The following RNF32 variants were observed in gnomAD, a reference collection of about 807,000 sequenced individuals.
The protein encoded by RNF32 is ring finger protein 32.
A neutral mutation model predicts 41.0 loss-of-function variants in RNF32; 36 were observed. The observed-to-expected ratio is 0.88, with a 90% CI of 0.67 to 1.16. The LOEUF (loss-of-function observed/expected upper bound fraction) is 1.16, where lower values mean the gene tolerates loss of function less well. Ranked by LOEUF, RNF32 falls within the 50% of genes most tolerant of loss-of-function variation. The pLI is 0.00. For synonymous variants in RNF32, 154 were observed against 160.9 expected, an observed-to-expected ratio of 0.96 and a Z score of 0.32; for missense variants, 413 against 436.7, an observed-to-expected ratio of 0.95 and a Z score of 0.48.
intron 4 of RNF32, among the ~76,000 whole-genome samples, chr7:156,656,769 C>T (rs187532040): frequency 3.4e-4 from 52 of 152,344 alleles, no homozygotes; most frequent in African/African-American, 1.2e-3. Context: ...CTGACCCCAC[C>T]GCTTTGCTCA....
rs551299791 is a variant in RNF32 at position 156,659,039 on chromosome 7, C to A, written c.684+469C>A. 71 of 1,411,504 alleles carry A rather than the reference C, an allele frequency of 5.0e-5. 1 individual carries two copies. In the East Asian group the frequency reaches 1.3e-3, roughly 27 times the overall value. The allele number at this position is 1,411,504 out of a possible 1,614,324, so 87.4% of individuals were successfully genotyped here. On this transcript the variant is annotated intron_variant, in intron 7 of 8. Coordinates refer to ENST00000317955, the MANE Select transcript of RNF32 (RefSeq NM_030936.4). ...TCATCACAATGAGCTTTAGAGCTAA[C>A]TTCCATGTCTACCCTTCCTCTTAAC...
At chr7:156,645,346 C>T (rs944326827) in intron 3 of RNF32, among the ~76,000 whole-genome samples, 1 of 152,210 alleles carries the variant, frequency 6.6e-6, no homozygotes, top group Non-Finnish European at 1.5e-5. Flanking sequence ...TCATGTGTCT[C>T]CTGCTGAAAG....
rs369190246 is a variant in RNF32, at chr7:156,664,375, A to C, written c.684+5805A>C. 4.5e-3 allele frequency among the ~76,000 whole-genome samples: 690 copies of C among 152,224 alleles called. 3 individuals carry two copies. Among genetic ancestry groups the C allele is most frequent in the Middle Eastern group, 0.024 (7 of 294 alleles). On this transcript the variant is annotated intron_variant, in intron 7 of 8. Transcript: ENST00000317955. Reference sequence around the variant, plus strand: ...ACTCAGGAGGCTGAGGCAGGAGAATAGCTTGCACCCGGGAGGCAGAGGTTG... The same window carrying C: ...ACTCAGGAGGCTGAGGCAGGAGAATCGCTTGCACCCGGGAGGCAGAGGTTG...
chr7:156,672,116 C>T (rs1342676183), intron 7 of RNF32, among the ~76,000 whole-genome samples: 2 of 152,154 alleles, frequency 1.3e-5, no homozygotes, highest in Non-Finnish European at 2.9e-5. Flanking sequence ...CATTTATTTG[C>T]TTTCTTGCTA....
intron 2 of RNF32, 58 bp from the exon 3 acceptor site, chr7:156,644,441 T>C (rs1432563569): frequency 1.5e-6 from 2 of 1,361,876 alleles, no homozygotes; most frequent in Non-Finnish European, 2.1e-6. Context: ...CTCAGTTCTC[T>C]TCTAAATGAT....
chr7:156,676,424 G>C lies in RNF32; in HGVS notation c.858G>C (p.Leu286=). 1 of 1,614,060 alleles carries C rather than the reference G, an allele frequency of 6.2e-7. No individual in the cohort carries two copies. Among genetic ancestry groups the C allele is most frequent in the South Asian group, 1.1e-5 (1 of 91,074 alleles). The stretch of plus-strand genomic sequence containing the variant: ...TCCCGTCCTGTGTGCCGCAGGCTCT[G>C]CGCCGGGAGACCCACGAGTGCTCCA... The part of the protein sequence containing the change: ...EEWEKIQVQA[L]RRETHECSIC... The change falls in exon 9 of 9, where the codon CTG becomes CTC. Residue 286 remains leucine (L), a synonymous_variant. Transcript: ENST00000317955.
At position 156,647,645 on chromosome 7, in the gene RNF32, G is replaced by T. The variant is rs529119522; in HGVS notation, c.274+2888G>T. ...GTGAATTGGGCTGCAATAAACATACGTATGCATGCATCTTTTTCATATAAT... is the reference window on the plus strand; with the variant it reads ...GTGAATTGGGCTGCAATAAACATACTTATGCATGCATCTTTTTCATATAAT... On this transcript the variant is annotated intron_variant, in intron 3 of 8. Transcript: ENST00000317955. 3.5e-4 allele frequency among the ~76,000 whole-genome samples: 53 copies of T among 152,262 alleles called. No homozygotes were observed. In the South Asian group the frequency reaches 6.0e-3, roughly 17 times the overall value.
intron 7 of RNF32, among the ~76,000 whole-genome samples, chr7:156,672,746 G>C (rs1002165878): frequency 6.6e-6 from 1 of 152,164 alleles, no homozygotes; most frequent in Non-Finnish European, 1.5e-5. Context: ...TATGTGGCCC[G>C]CACACTTACT....
upstream of RNF32, chr7:156,640,356 TGGCTGCGCCCACAAAGCCGCCGGG>T: frequency 2.2e-6 from 1 of 445,734 alleles, no homozygotes; most frequent in South Asian, 1.6e-5. Context: ...CTGAGGAGCG[TGGCTGCGCCCACAAAGCCGCCGGG>T]GGCTGCGGAC....
rs1230386739 is a variant in RNF32 at position 156,676,670 on chromosome 7, A to G, written c.*15A>G. 3 of 1,599,250 alleles carry G rather than the reference A, an allele frequency of 1.9e-6. No homozygotes were observed. The highest frequency in any genetic ancestry group is 3.3e-4 in the Middle Eastern group (2 of 6,046). On this transcript the variant is annotated 3_prime_UTR_variant, in exon 9 of 9. Transcript: ENST00000317955. ...TTGAATGTTGAATTCATAGTCAAGG[A>G]AAGTTAGGTAATTCTGAGGAAAAAA...
At chr7:156,644,234 AG>A (rs1797715375) in intron 2 of RNF32, among the ~76,000 whole-genome samples, 1 of 152,228 alleles carries the variant, frequency 6.6e-6, no homozygotes, top group African/African-American at 2.4e-5. Flanking sequence ...GGGTTTGTTT[AG>A]GCATGCACAG....
intron 3 of RNF32, chr7:156,654,098 G>A (rs1799206669): frequency 6.6e-6 from 1 of 152,076 alleles, no homozygotes; most frequent in Admixed American, 6.5e-5. Flanking sequence ...TATTACCACT[G>A]ACTTTTGCGC....
Position 156,675,677 on chromosome 7 carries a change from GCC to G in RNF32, c.685-15_685-14del, listed in dbSNP as rs770549601. On this transcript the variant is annotated splice_polypyrimidine_tract_variant and intron_variant, in intron 7 of 8. Transcript: ENST00000317955. ...ACCGAGCTCAGGTGTGAGCTTACCC[GCC>G]CCCGCCTCCTCCTCAGTTCACAGAA... 2.9e-6 allele frequency: 4 copies of G among 1,391,902 alleles called. No individual in the cohort carries two copies. The highest frequency in any genetic ancestry group is 2.0e-6 in the Non-Finnish European group (2 of 983,278). The allele number at this position is 1,391,902 out of a possible 1,614,324, so 86.2% of individuals were successfully genotyped here. A position where few individuals can be genotyped will look rare whatever the true frequency, so the allele number is the denominator to read the frequency against.
chr7:156,659,900 A>G, intron 7 of RNF32: 1 of 985,454 alleles, frequency 1.0e-6, no homozygotes. Flanking sequence ...AGTGACCAAG[A>G]GCAGTCGGGG....
chr7:156,676,876 T>G lies in RNF32; in HGVS notation c.*221T>G, dbSNP rs781393921. The stretch of plus-strand genomic sequence containing the variant: ...GTAAATTTCAAATTTATGAGTTTAA[T>G]CACTTCAAATATGAATAGCAAAAAA... On this transcript the variant is annotated 3_prime_UTR_variant, in exon 9 of 9. Coordinates refer to ENST00000317955, the MANE Select transcript of RNF32 (RefSeq NM_030936.4). 2.1e-5 allele frequency: 11 copies of G among 529,890 alleles called. No individual in the cohort carries two copies. The highest frequency in any genetic ancestry group is 3.4e-5 in the Non-Finnish European group (10 of 296,202). The allele number at this position is 529,890 out of a possible 1,614,324, so 32.8% of individuals were successfully genotyped here. A position where few individuals can be genotyped will look rare whatever the true frequency, so the allele number is the denominator to read the frequency against.
At position 156,658,143 on chromosome 7, in the gene RNF32, T is replaced by G; in HGVS notation, c.466T>G (p.Phe156Val). The G allele has an allele frequency of 6.2e-7, 1 of 1,613,966 alleles. No individual in the cohort carries two copies. ...HVFHKACLQA[F>V]EKFTNKKTCP... ...TTTTCTTCAGGCATGTCTTCAGGCT[T>G]TTGAAAAGTTCACAAATAAGAAAAC... The change falls in exon 6 of 9, where the codon TTT becomes GTT. Residue 156 changes from phenylalanine (F) to valine (V), a missense_variant. Physicochemically the swap from Phe to Val is conservative, Grantham distance 50. Transcript: ENST00000317955.
intron 7 of RNF32, among the ~76,000 whole-genome samples, chr7:156,665,022 A>T (rs1469182190): frequency 7.2e-5 from 11 of 152,222 alleles, no homozygotes; most frequent in Non-Finnish European, 1.3e-4. Context: ...AGATATTTAA[A>T]ATAAAAACAT....
At chr7:156,654,199 T>G (rs1799241727) in intron 3 of RNF32, 1 of 153,074 alleles carries the variant, frequency 6.5e-6, no homozygotes, top group Non-Finnish European at 1.4e-5. Context: ...GATCAAAATT[T>G]TAATAAATGA....
rs140073522 is a variant in RNF32 at position 156,654,711 on chromosome 7, G to C, written c.410G>C (p.Arg137Pro). The C allele has an allele frequency of 2.5e-6, 4 of 1,613,850 alleles. No individual in the cohort carries two copies. Among genetic ancestry groups the C allele is most frequent in the Middle Eastern group, 1.7e-4 (1 of 6,056 alleles). ...ATCTGTAAAGAAGAATTCGAGCTTC[G>C]TCCTCAGGTGTTTAGCATACGAGGG... ...CPICKEEFEL[R>P]PQVLLSCSHV... Residue 137 changes from arginine to proline, a missense_variant, in exon 4 of 9, where the codon CGT becomes CCT. By Grantham distance (103) the Arg-to-Pro change is moderately radical. Coordinates refer to ENST00000317955, the MANE Select transcript of RNF32 (RefSeq NM_030936.4).
Sources: gnomAD v4.1 joint callset for allele counts (sites outside exome capture counted in the v4.1 genomes callset) on GRCh38, gnomAD v4.1.1 for gene constraint, MANE v1.5 for transcripts, NCBI Gene and HGNC (gene_info 2026-07-23, HGNC 2026-07-21) for gene names.